SERINC5: variants seen among roughly 807,000 people sequenced by gnomAD.
SERINC5 encodes the protein chromosome 5 open reading frame 12.
SERINC5 carries 41 observed loss-of-function variants against 63.1 expected under a neutral mutation model. The ratio of observed to expected loss-of-function variants is 0.65; its 90% CI spans 0.51 to 0.84. The LOEUF (loss-of-function observed/expected upper bound fraction) is 0.84, where lower values mean the gene tolerates loss of function less well. Among genes scored for constraint, SERINC5 ranks in the 40% least tolerant of loss-of-function variants. The pLI is 0.00. For missense variants in SERINC5, 523 were observed against 573.0 expected (o/e 0.91, Z 0.89); for synonymous variants, 222 against 215.2 (o/e 1.03, Z -0.28).
intron 1 of SERINC5, among the ~76,000 whole-genome samples, chr5:80,249,783 C>T (rs552249735): frequency 9.2e-5 from 14 of 151,866 alleles, no homozygotes; most frequent in Non-Finnish European, 1.5e-4. Context: ...GCCTCGGCAA[C>T]AAGAGCGAAA....
In SERINC5 at chr5:80,166,365, A is replaced by G. The variant is rs1474346184; in HGVS notation, c.859+18T>C. On this transcript the variant is annotated intron_variant, in intron 7 of 11. Coordinates refer to ENST00000507668, the MANE Select transcript of SERINC5 (RefSeq NM_001174072.3). ...ATATTCACACCGCAAACACAAGCCC[A>G]CTAACAGGCTGGCTTACCTACTTCT... The G allele has an allele frequency of 6.6e-7, 1 of 1,517,338 alleles. No homozygotes were observed. The highest frequency in any genetic ancestry group is 9.0e-7 in the Non-Finnish European group (1 of 1,111,444). The allele number at this position is 1,517,338 out of a possible 1,614,324, so 94.0% of individuals were successfully genotyped here. A position where few individuals can be genotyped will look rare whatever the true frequency, so the allele number is the denominator to read the frequency against.
At chr5:80,193,255 C>T (rs1206717878) in intron 2 of SERINC5, among the ~76,000 whole-genome samples, 3 of 152,180 alleles carry the variant, frequency 2.0e-5, no homozygotes, top group African/African-American at 7.2e-5. Flanking sequence ...GCATTGTTTC[C>T]TGTTCCCATC....
chr5:80,147,315 T>C (rs1745886503), intron 9 of SERINC5, 31 bp from the exon 10 acceptor site: 1 of 1,598,824 alleles, frequency 6.3e-7, no homozygotes, highest in Non-Finnish European at 8.5e-7. Context: ...GTCAGGCGGC[T>C]TGTGTTCTAT....
chr5:80,231,315 C>T (rs1267210488), intron 1 of SERINC5, among the ~76,000 whole-genome samples: 1 of 152,190 alleles, frequency 6.6e-6, no homozygotes, highest in Non-Finnish European at 1.5e-5. Flanking sequence ...GCTGACAACC[C>T]CATTACTCAG....
At chr5:80,118,714 ATTTTTTTTTT>A (rs34814066) in intron 11 of SERINC5, among the ~76,000 whole-genome samples, 1 of 108,254 alleles carries the variant, frequency 9.2e-6, no homozygotes. Flanking sequence ...TGTCCAGCTA[ATTTTTTTTTT>A]TTTTTTTTTT....
At chr5:80,160,911 GATAT>G (rs200996264) in intron 7 of SERINC5, among the ~76,000 whole-genome samples, 1 of 147,960 alleles carries the variant, frequency 6.8e-6, no homozygotes, top group Non-Finnish European at 1.5e-5. Flanking sequence ...TGTGGAGATA[GATAT>G]ATATATGTGT....
At chr5:80,151,059 C>A in intron 8 of SERINC5, 111 bp from the exon 9 acceptor site, 3 of 776,060 alleles carry the variant, frequency 3.9e-6, no homozygotes, top group East Asian at 4.9e-5. Context: ...TGTAACCTAC[C>A]GTTCAGGAGA....
Position 80,223,864 on chromosome 5 carries a change from G to A in SERINC5, c.28-20811C>T, listed in dbSNP as rs549106177. On this transcript the variant is annotated intron_variant, in intron 1 of 11. Transcript: ENST00000507668. Reference sequence around the variant, plus strand: ...AGTCAAGCCGGGCGCGGTGGCTCACGCCTATAATCCCAGCACTTTGGGAGG... The same window carrying A: ...AGTCAAGCCGGGCGCGGTGGCTCACACCTATAATCCCAGCACTTTGGGAGG... 4.6e-5 allele frequency among the ~76,000 whole-genome samples: 7 copies of A among 152,028 alleles called. No homozygotes were observed. In the East Asian group the frequency reaches 9.7e-4, roughly 21 times the overall value.
intron 11 of SERINC5, chr5:80,116,453 C>T (rs1744324998): frequency 2.4e-6 from 1 of 409,828 alleles, no homozygotes; most frequent in Non-Finnish European, 4.8e-6. Context: ...TTTCTCCGTT[C>T]CCTTCCCTGG....
intron 1 of SERINC5, among the ~76,000 whole-genome samples, chr5:80,208,243 G>A (rs567429518): frequency 6.6e-6 from 1 of 151,938 alleles, no homozygotes; most frequent in Non-Finnish European, 1.5e-5. Context: ...TAGGTTCATC[G>A]ATTCTAACAA....
intron 1 of SERINC5, among the ~76,000 whole-genome samples, chr5:80,216,862 T>C (rs1465187604): frequency 6.6e-6 from 1 of 151,942 alleles, no homozygotes; most frequent in African/African-American, 2.4e-5. Flanking sequence ...AATACAAAAA[T>C]TAGCCAGGCA....
At chr5:80,215,338 T>C (rs886758948) in intron 1 of SERINC5, among the ~76,000 whole-genome samples, 1 of 152,194 alleles carries the variant, frequency 6.6e-6, no homozygotes, top group Non-Finnish European at 1.5e-5. Flanking sequence ...TCCGCCATGA[T>C]TGGAAGCTTC....
At chr5:80,186,918 G>C (rs1231537382) in intron 2 of SERINC5, among the ~76,000 whole-genome samples, 2 of 152,048 alleles carry the variant, frequency 1.3e-5, no homozygotes, top group Non-Finnish European at 2.9e-5. Flanking sequence ...CATTTGGGGA[G>C]GCCAAGGCGG....
intron 2 of SERINC5, among the ~76,000 whole-genome samples, chr5:80,180,023 G>GT (rs748924035): frequency 9.2e-4 from 139 of 151,868 alleles, no homozygotes; most frequent in African/African-American, 2.4e-3. Flanking sequence ...ATGGCCATCT[G>GT]TTTTTTTTCT....
At chr5:80,242,494 C>G (rs1170431111) in intron 1 of SERINC5, among the ~76,000 whole-genome samples, 1 of 59,314 alleles carries the variant, frequency 1.7e-5, no homozygotes, top group East Asian at 5.1e-4. Flanking sequence ...TGGCTCACGC[C>G]TATAATCCCA....
intron 8 of SERINC5, among the ~76,000 whole-genome samples, chr5:80,154,886 A>G (rs2112333314): frequency 6.6e-6 from 1 of 152,326 alleles, no homozygotes; most frequent in East Asian, 1.9e-4. Flanking sequence ...GCCTTGTAAT[A>G]ATATAATTAC....
At chr5:80,211,686 T>C (rs147883705) in intron 1 of SERINC5, among the ~76,000 whole-genome samples, 1 of 152,342 alleles carries the variant, frequency 6.6e-6, no homozygotes, top group African/African-American at 2.4e-5. Context: ...ACTAAGTTGA[T>C]GTGAAAGCCT....
At chr5:80,210,362 A>G (rs187502537) in intron 1 of SERINC5, among the ~76,000 whole-genome samples, 1 of 152,262 alleles carries the variant, frequency 6.6e-6, no homozygotes, top group Admixed American at 6.5e-5. Context: ...TTCTTCTCCA[A>G]TGAAGGACCA....
At position 80,169,453 on chromosome 5, in the gene SERINC5, C is replaced by G; in HGVS notation, c.645G>C (p.Leu215Phe). Reference sequence around the variant, plus strand: ...CTTTCTGTGTATAAAACACTGCCATCAAAACCAAGCCTCCAGTGGCAATGG... The same window carrying G: ...CTTTCTGTGTATAAAACACTGCCATGAAAACCAAGCCTCCAGTGGCAATGG... ...MYSIATGGLV[L>F]MAVFYTQKDS... Residue 215 changes from leucine to phenylalanine, a missense_variant, in exon 6 of 12, where the codon TTG (leucine) becomes TTC (phenylalanine). Physicochemically the swap from Leu to Phe is conservative, Grantham distance 22. Transcript: ENST00000507668. 1 of 1,613,994 alleles carries G rather than the reference C, an allele frequency of 6.2e-7. No individual in the cohort carries two copies. Among genetic ancestry groups the G allele is most frequent in the Non-Finnish European group, 8.5e-7 (1 of 1,179,860 alleles).
Sources: gnomAD v4.1 joint callset for allele counts (sites outside exome capture counted in the v4.1 genomes callset) on GRCh38, gnomAD v4.1.1 for gene constraint, MANE v1.5 for transcripts, NCBI Gene and HGNC (gene_info 2026-07-23, HGNC 2026-07-21) for gene names.